EMD: variants seen among roughly 807,000 people sequenced by gnomAD.
EMD encodes LEM domain containing 5.
Under a neutral mutation model 15.2 loss-of-function variants are expected in EMD, and 2 were observed. That is an observed-to-expected ratio of 0.13 (90% CI 0.05 to 0.41). The LOEUF (loss-of-function observed/expected upper bound fraction) is 0.41. Ranked by LOEUF, EMD falls within the 10% of genes least tolerant of loss-of-function variation. The pLI is 0.99. For missense variants in EMD, 224 were observed against 213.4 expected (o/e 1.05, Z -0.31); for synonymous variants, 122 against 86.2 (o/e 1.42, Z -2.30).
In EMD at chrX:154,381,019, C is replaced by G. The variant is rs781900414; in HGVS notation, c.587C>G (p.Ser196Cys). Residue 196 changes from serine to cysteine, a missense_variant, in exon 6 of 6, where the codon TCT becomes TGT. Physicochemically the swap from Ser to Cys is moderately radical, Grantham distance 112. Coordinates refer to ENST00000369842, the MANE Select transcript of EMD (RefSeq NM_000117.3). ...SSTSFMSSSS[S>C]SSSWLTRRAI... ...ACCTCTTTTATGTCCTCCTCATCAT[C>G]TTCCTCTTCATGGCTCACCCGCCGT... 1 of 1,210,597 alleles carries G rather than the reference C, an allele frequency of 8.3e-7. No homozygotes were observed. Among genetic ancestry groups the G allele is most frequent in the East Asian group, 3.0e-5 (1 of 33,782 alleles).
Position 154,381,040 on chromosome X carries a change from G to A in EMD, c.608G>A (p.Arg203His), listed in dbSNP as rs144842093. 136 of 1,210,488 alleles carry A rather than the reference G, an allele frequency of 1.1e-4. No individual in the cohort carries two copies. The East Asian group carries it at 3.6e-3, about 32-fold the overall frequency. Residue 203 changes from arginine to histidine, a missense_variant, in exon 6 of 6, where the codon CGC becomes CAC. Coordinates refer to ENST00000369842, the MANE Select transcript of EMD (RefSeq NM_000117.3). ...TCATCTTCCTCTTCATGGCTCACCC[G>A]CCGTGCCATCCGGCCTGAAAACCGT... ...SSSSSSSWLT[R>H]RAIRPENRAP...
chrX:154,379,395 C>G lies in EMD; in HGVS notation c.-90C>G. ...GCGGCCGCTCCCGATGCGCTCGTGC[C>G]GCCCCCGCCGTGCTCCTCGGCAGCC... On this transcript the variant is annotated 5_prime_UTR_variant, in exon 1 of 6. Transcript: ENST00000369842. 2.0e-6 allele frequency: 2 copies of G among 988,745 alleles called. No individual in the cohort carries two copies. The highest frequency in any genetic ancestry group is 2.1e-5 in the South Asian group (1 of 47,506). The allele number at this position is 988,745 out of a possible 1,213,427, so 81.5% of individuals were successfully genotyped here. A position where few individuals can be genotyped will look rare whatever the true frequency, so the allele number is the denominator to read the frequency against.
rs781912915 is a variant in EMD, at chrX:154,379,909, G to A, written c.188-33G>A. On this transcript the variant is annotated intron_variant, in intron 2 of 5. Coordinates refer to ENST00000369842, the MANE Select transcript of EMD (RefSeq NM_000117.3). ...GAGAAAGGGGAGGGAAGTCTGGGGG[G>A]GCAAACAGTTCTGTCTCCTCCTTTC... 1.1e-5 allele frequency: 13 copies of A among 1,200,678 alleles called. No homozygotes were observed. In the East Asian group the frequency reaches 2.1e-4, roughly 19 times the overall value.
In EMD at chrX:154,379,715, G is replaced by A. The variant is rs1057521050; in HGVS notation, c.108G>A (p.Lys36=). Residue 36 remains lysine, a synonymous_variant, in exon 2 of 6, where the codon AAG becomes AAA. Coordinates refer to ENST00000369842, the MANE Select transcript of EMD (RefSeq NM_000117.3). ...VVGSTRRLYE[K]KIFEYETQRR... is the part of the protein sequence containing the mutation. ...GATCAACTCGTAGGCTTTACGAGAA[G>A]AAGATCTTCGAGTACGAGACCCAGA... 22 of 1,208,388 alleles carry A rather than the reference G, an allele frequency of 1.8e-5. No individual in the cohort carries two copies. The highest frequency in any genetic ancestry group is 2.3e-5 in the Non-Finnish European group (21 of 894,756).
Position 154,381,289 on chromosome X carries a change from G to A in EMD, c.*92G>A. 3.4e-6 allele frequency: 1 copy of A among 290,416 alleles called. No individual in the cohort carries two copies. Among genetic ancestry groups the A allele is most frequent in the Non-Finnish European group, 6.6e-6 (1 of 151,930 alleles). 23.9% of individuals were successfully genotyped at this position (290,416 alleles called of 1,213,427 possible). A position where few individuals can be genotyped will look rare whatever the true frequency, so the allele number is the denominator to read the frequency against. On this transcript the variant is annotated 3_prime_UTR_variant, in exon 6 of 6. Transcript: ENST00000369842. ...AGTGGGGGTGGGGGTGGGGGCAGGG[G>A]CAGGGGCTTTATGTGTTTTTGCTTG...
chrX:154,381,213 T>G lies in EMD; in HGVS notation c.*16T>G, dbSNP rs1557182740. ...CCCCTTCTAGAGGGAGCCATGAGGGTCTGGGCTTCAGAGCTAGGTCTTTGG... is the reference window on the plus strand; with the variant it reads ...CCCCTTCTAGAGGGAGCCATGAGGGGCTGGGCTTCAGAGCTAGGTCTTTGG... On this transcript the variant is annotated 3_prime_UTR_variant, in exon 6 of 6. Transcript: ENST00000369842. The G allele has an allele frequency of 9.2e-7, 1 of 1,086,221 alleles. No homozygotes were observed. Among genetic ancestry groups the G allele is most frequent in the Middle Eastern group, 2.7e-4 (1 of 3,653 alleles). 89.5% of individuals were successfully genotyped at this position (1,086,221 alleles called of 1,213,427 possible). A position where few individuals can be genotyped will look rare whatever the true frequency, so the allele number is the denominator to read the frequency against.
rs2067871477 is a variant in EMD at position 154,379,299 on chromosome X, T to TGCGGAGCCA, written c.-181_-173dup. The TGCGGAGCCA allele has an allele frequency of 4.5e-6, 2 of 441,993 alleles. No individual in the cohort carries two copies. Among genetic ancestry groups the TGCGGAGCCA allele is most frequent in the African/African-American group, 2.6e-5 (1 of 37,953 alleles). The allele number at this position is 441,993 out of a possible 1,213,427, so 36.4% of individuals were successfully genotyped here. On this transcript the variant is annotated 5_prime_UTR_variant, in exon 1 of 6. Transcript: ENST00000369842. ...CCCGCCCCGCGCAGCGCGCGCAGCCTGCGGAGCCAGCGGCCGTGACGCGAC... is the reference window on the plus strand; with the variant it reads ...CCCGCCCCGCGCAGCGCGCGCAGCCTGCGGAGCCAGCGGAGCCAGCGGCCGTGACGCGAC...
In EMD at chrX:154,379,946, G is replaced by A; in HGVS notation, c.192G>A (p.Leu64=). 5 of 1,210,930 alleles carry A rather than the reference G, an allele frequency of 4.1e-6. No individual in the cohort carries two copies. The highest frequency in any genetic ancestry group is 5.6e-6 in the Non-Finnish European group (5 of 894,847). The stretch of plus-strand genomic sequence containing the variant: ...TGTCTCCTCCTTTCAATCCAGACTT[G>A]AATTCGACTAGAGGGGATGCAGATA... ...SAASSYSFSD[L]NSTRGDADMY... The change falls in exon 3 of 6, where the codon TTG becomes TTA. Residue 64 remains leucine, a synonymous_variant. Coordinates refer to ENST00000369842, the MANE Select transcript of EMD (RefSeq NM_000117.3).
At chrX:154,379,821 C>G (rs1384752219) in intron 2 of EMD, 27 bp downstream of exon 2, 1 of 1,189,524 alleles carries the variant, frequency 8.4e-7, no homozygotes, top group Non-Finnish European at 1.1e-6. Context: ...TGGGGACAGC[C>G]TGGGACGCGG....
Position 154,379,813 on chromosome X carries a change from G to A in EMD, c.187+19G>A. The stretch of plus-strand genomic sequence containing the variant: ...TTCTCTGGTGAGAGCCTCGCCTGTG[G>A]GGACAGCCTGGGACGCGGGGAGGAT... On this transcript the variant is annotated intron_variant, in intron 2 of 5. Coordinates refer to ENST00000369842, the MANE Select transcript of EMD (RefSeq NM_000117.3). The A allele has an allele frequency of 8.4e-7, 1 of 1,184,940 alleles. No individual in the cohort carries two copies. The highest frequency in any genetic ancestry group is 3.0e-5 in the East Asian group (1 of 33,679).
intron 2 of EMD, 68 bp downstream of exon 2, chrX:154,379,862 G>A (rs999483184): frequency 1.3e-5 from 15 of 1,179,392 alleles, no homozygotes; most frequent in South Asian, 1.8e-5. Flanking sequence ...TGTGGCAGGG[G>A]GGCCGGTCGA....
At chrX:154,379,828 G>A (rs782178519) in intron 2 of EMD, 34 bp downstream of exon 2, 3 of 1,186,180 alleles carry the variant, frequency 2.5e-6, no homozygotes, top group Non-Finnish European at 3.4e-6. Flanking sequence ...AGCCTGGGAC[G>A]CGGGGAGGAT....
chrX:154,381,428 C>T lies in EMD; in HGVS notation c.*231C>T, dbSNP rs2067888757. On this transcript the variant is annotated 3_prime_UTR_variant, in exon 6 of 6. Transcript: ENST00000369842. Reference sequence around the variant, plus strand: ...CTTTGTCATTTTGTTGACATGCATTCCTCCTTTTGTCATCTTGTTGGGGGG... The same window carrying T: ...CTTTGTCATTTTGTTGACATGCATTTCTCCTTTTGTCATCTTGTTGGGGGG... 2.4e-6 allele frequency: 1 copy of T among 416,256 alleles called. No individual in the cohort carries two copies. Among genetic ancestry groups the T allele is most frequent in the Non-Finnish European group, 4.1e-6 (1 of 245,526 alleles). The allele number at this position is 416,256 out of a possible 1,213,427, so 34.3% of individuals were successfully genotyped here. A position where few individuals can be genotyped will look rare whatever the true frequency, so the allele number is the denominator to read the frequency against.
At chrX:154,380,439 G>C (rs2067880797) in intron 4 of EMD, 72 bp downstream of exon 4, 1 of 1,197,346 alleles carries the variant, frequency 8.4e-7, no homozygotes, top group East Asian at 3.0e-5. Flanking sequence ...GATAAATCCA[G>C]GGGGGCACTG....
At position 154,381,011 on chromosome X, in the gene EMD, C is replaced by G. The variant is rs781952637; in HGVS notation, c.579C>G (p.Ser193=). The G allele has an allele frequency of 1.7e-6, 2 of 1,211,963 alleles. No individual in the cohort carries two copies. The highest frequency in any genetic ancestry group is 2.2e-6 in the Non-Finnish European group (2 of 895,573). ...PTSSSTSFMS[S]SSSSSSWLTR... ...CCTCCTCCACCTCTTTTATGTCCTC[C>G]TCATCATCTTCCTCTTCATGGCTCA... Residue 193 remains serine (S), a synonymous_variant, in exon 6 of 6, where the codon TCC becomes TCG. Coordinates refer to ENST00000369842, the MANE Select transcript of EMD (RefSeq NM_000117.3).
rs2067887644 is a variant in EMD at position 154,381,279 on chromosome X, G to A, written c.*82G>A. On this transcript the variant is annotated 3_prime_UTR_variant, in exon 6 of 6. Transcript: ENST00000369842. ...CTGCCTTAGCAGTGGGGGTGGGGGT[G>A]GGGGCAGGGGCAGGGGCTTTATGTG... 1.1e-6 allele frequency: 1 copy of A among 906,868 alleles called. No homozygotes were observed. The highest frequency in any genetic ancestry group is 2.4e-5 in the South Asian group (1 of 41,382). The allele number at this position is 906,868 out of a possible 1,213,427, so 74.7% of individuals were successfully genotyped here. A position where few individuals can be genotyped will look rare whatever the true frequency, so the allele number is the denominator to read the frequency against.
Position 154,381,257 on chromosome X carries a change from C to T in EMD, c.*60C>T, listed in dbSNP as rs17427. ...TCTTTGGGGAAGTCCTGGCTGACTG[C>T]CTTAGCAGTGGGGGTGGGGGTGGGG... On this transcript the variant is annotated 3_prime_UTR_variant, in exon 6 of 6. Transcript: ENST00000369842. 0.33 allele frequency: 215,114 copies of T among 645,297 alleles called. 17,103 individuals carry two copies. The highest frequency in any genetic ancestry group is 0.58 in the South Asian group (24,958 of 42,943). The allele number at this position is 645,297 out of a possible 1,213,427, so 53.2% of individuals were successfully genotyped here.
rs182540760 is a variant in EMD, at chrX:154,380,385, C to T, written c.399+18C>T. 947 of 1,209,708 alleles carry T rather than the reference C, an allele frequency of 7.8e-4. 1 individual carries two copies. In the Admixed American group the frequency reaches 0.015, roughly 19 times the overall value. ...ATCACCAGGTGAGCTGGCTGGCAGG[C>T]GTCCTGTACTTGGGTACAACCTAGG... On this transcript the variant is annotated intron_variant, in intron 4 of 5. Transcript: ENST00000369842.
chrX:154,379,774 C>T lies in EMD; in HGVS notation c.167C>T (p.Ala56Val), dbSNP rs781840855. ...CTCTCGCCCCCCAGCTCGTCCGCCGCCTCCTCTTATAGCTTCTCTGGTGAG... is the reference window on the plus strand; with the variant it reads ...CTCTCGCCCCCCAGCTCGTCCGCCGTCTCCTCTTATAGCTTCTCTGGTGAG... ...RRLSPPSSSA[A>V]SSYSFSDLNS... The change falls in exon 2 of 6, where the codon GCC becomes GTC. Residue 56 changes from alanine to valine, a missense_variant. Transcript: ENST00000369842. The T allele has an allele frequency of 1.7e-6, 2 of 1,206,087 alleles. No individual in the cohort carries two copies. The highest frequency in any genetic ancestry group is 2.2e-6 in the Non-Finnish European group (2 of 892,897).
Sources: gnomAD v4.1 joint callset for allele counts on GRCh38, gnomAD v4.1.1 for gene constraint, MANE v1.5 for transcripts, NCBI Gene and HGNC (gene_info 2026-07-23, HGNC 2026-07-21) for gene names.